Variants in AOAH observed in about 807,000 individuals in gnomAD.
AOAH encodes acyloxyacyl hydrolase (neutrophil).
AOAH carries 64 observed loss-of-function variants against 92.2 expected under a neutral mutation model. The ratio of observed to expected loss-of-function variants is 0.69; its 90% CI spans 0.57 to 0.86. The LOEUF (loss-of-function observed/expected upper bound fraction) is 0.86. Ranked by LOEUF, AOAH falls within the 40% of genes least tolerant of loss-of-function variation. The pLI, the probability that AOAH is intolerant of heterozygous loss-of-function variation, is 0.00. For synonymous variants in AOAH, 263 were observed against 254.5 expected, an observed-to-expected ratio of 1.03 and a Z score of -0.32; for missense variants, 656 against 694.6, an observed-to-expected ratio of 0.94 and a Z score of 0.62.
intron 13 of AOAH, among the ~76,000 whole-genome samples, chr7:36,556,738 A>C (rs1227892727): frequency 7.3e-6 from 1 of 136,152 alleles, no homozygotes; most frequent in Non-Finnish European, 1.6e-5. Context: ...CCATTATGTA[A>C]TGGCCTTCTT....
At chr7:36,528,242 A>T (rs1402181516) in intron 19 of AOAH, among the ~76,000 whole-genome samples, 2 of 152,234 alleles carry the variant, frequency 1.3e-5, no homozygotes, top group Non-Finnish European at 2.9e-5. Flanking sequence ...TGAACTGTTG[A>T]TGGGAATCGC....
intron 1 of AOAH, among the ~76,000 whole-genome samples, chr7:36,711,444 C>T (rs10275462): frequency 0.32 from 48,559 of 151,934 alleles, 8,913 homozygotes; most frequent in East Asian, 0.53. Context: ...CACTGTGTGA[C>T]CTTTCCCCAA....
chr7:36,642,714 G>A (rs1383775271), intron 4 of AOAH, among the ~76,000 whole-genome samples: 1 of 152,234 alleles, frequency 6.6e-6, no homozygotes, highest in Non-Finnish European at 1.5e-5. Flanking sequence ...CCAGGCGTAA[G>A]CCACATGGGA....
chr7:36,576,729 CA>C, intron 12 of AOAH, 73 bp from the exon 13 acceptor site: 1 of 712,694 alleles, frequency 1.4e-6, no homozygotes, highest in Non-Finnish European at 2.2e-6. Context: ...ACCATGTTTA[CA>C]TCACGCTTTT....
At chr7:36,543,955 T>C (rs1160606206) in intron 15 of AOAH, among the ~76,000 whole-genome samples, 2 of 134,458 alleles carry the variant, frequency 1.5e-5, no homozygotes, top group East Asian at 4.1e-4. Flanking sequence ...TTCTTTTTTT[T>C]TTTTTTTTTT....
intron 11 of AOAH, among the ~76,000 whole-genome samples, chr7:36,608,076 C>G (rs912239096): frequency 6.6e-6 from 1 of 152,364 alleles, no homozygotes; most frequent in South Asian, 2.1e-4. Flanking sequence ...CAGGCTGGCT[C>G]TCCCTTCCTG....
Position 36,698,413 on chromosome 7 carries a change from C to T in AOAH, c.128-11619G>A, listed in dbSNP as rs567409450. ...TTTCATCGATTCTCTCTATTGCATT[C>T]CTGTTTTTTATTTTACCATTTTCTG... On this transcript the variant is annotated intron_variant, in intron 1 of 20. Transcript: ENST00000617537. Among the ~76,000 whole-genome samples, 5 of 152,000 alleles carry T rather than the reference C, an allele frequency of 3.3e-5. No individual in the cohort carries two copies. The South Asian group carries it at 1.0e-3, about 32-fold the overall frequency.
At chr7:36,650,807 T>C (rs1794527941) in intron 4 of AOAH, among the ~76,000 whole-genome samples, 1 of 152,172 alleles carries the variant, frequency 6.6e-6, no homozygotes, top group South Asian at 2.1e-4. Context: ...CCAGGTACTA[T>C]GCCAGTCCAG....
chr7:36,529,901 G>A (rs150706935), intron 19 of AOAH, among the ~76,000 whole-genome samples: 18 of 152,342 alleles, frequency 1.2e-4, no homozygotes, highest in African/African-American at 4.3e-4. Context: ...CTTCCAGAAA[G>A]TTGGGACATG....
At chr7:36,675,761 A>G (rs1229254310) in intron 2 of AOAH, among the ~76,000 whole-genome samples, 3 of 152,214 alleles carry the variant, frequency 2.0e-5, no homozygotes, top group Non-Finnish European at 4.4e-5. Flanking sequence ...ACTAGCAAAT[A>G]AGATCCAGCA....
At chr7:36,661,417 G>A (rs1305663539) in intron 3 of AOAH, 1 of 152,208 alleles carries the variant, frequency 6.6e-6, no homozygotes, top group African/African-American at 2.4e-5. Flanking sequence ...AGGACGTGCA[G>A]TGAGGAAGCT....
At chr7:36,625,491 C>A (rs1792590547) in intron 6 of AOAH, among the ~76,000 whole-genome samples, 1 of 152,198 alleles carries the variant, frequency 6.6e-6, no homozygotes. Flanking sequence ...TCACAAAGTG[C>A]TTGCAGCTGT....
rs567888684 is a variant in AOAH at position 36,553,353 on chromosome 7, A to G, written c.1022-3878T>C. Among the ~76,000 whole-genome samples the G allele has an allele frequency of 7.0e-4, 107 of 152,074 alleles. No individual in the cohort carries two copies. The East Asian group carries it at 0.017, about 24-fold the overall frequency. The stretch of plus-strand genomic sequence containing the variant: ...AGGGCTGCATAGTATTCCATGGTGT[A>G]TATGTGCCACATTTTCTTAATCCAG... On this transcript the variant is annotated intron_variant, in intron 13 of 20. Transcript: ENST00000617537.
chr7:36,566,246 T>C (rs1332890335), intron 13 of AOAH, among the ~76,000 whole-genome samples: 1 of 152,130 alleles, frequency 6.6e-6, no homozygotes, highest in Admixed American at 6.5e-5. Flanking sequence ...TGTTCCATAA[T>C]AGAGATCATG....
intron 11 of AOAH, among the ~76,000 whole-genome samples, chr7:36,604,582 C>T (rs1411264654): frequency 6.6e-6 from 1 of 152,188 alleles, no homozygotes; most frequent in Admixed American, 6.5e-5. Flanking sequence ...TATTTGCCAC[C>T]ATCGTGCCAA....
At chr7:36,626,433 A>G (rs1472889178) in intron 6 of AOAH, among the ~76,000 whole-genome samples, 1 of 152,260 alleles carries the variant, frequency 6.6e-6, no homozygotes, top group East Asian at 1.9e-4. Flanking sequence ...GGCCAAAGCC[A>G]TGCATTCTAG....
At chr7:36,592,951 A>G (rs1225505323) in intron 12 of AOAH, among the ~76,000 whole-genome samples, 1 of 152,194 alleles carries the variant, frequency 6.6e-6, no homozygotes, top group Non-Finnish European at 1.5e-5. Context: ...CTATATTGGC[A>G]GATTATTTCT....
chr7:36,684,257 C>T (rs550194794), intron 2 of AOAH, among the ~76,000 whole-genome samples: 3 of 152,168 alleles, frequency 2.0e-5, no homozygotes, highest in East Asian at 3.9e-4. Context: ...GGTCAAAGCT[C>T]GATGGGATCA....
At chr7:36,722,793 G>A (rs1346801004) in intron 1 of AOAH, among the ~76,000 whole-genome samples, 1 of 151,904 alleles carries the variant, frequency 6.6e-6, no homozygotes, top group Non-Finnish European at 1.5e-5. Context: ...AATTAGCTGG[G>A]TGTGGTGGTG....
Sources: gnomAD v4.1 joint callset for allele counts (sites outside exome capture counted in the v4.1 genomes callset) on GRCh38, gnomAD v4.1.1 for gene constraint, MANE v1.5 for transcripts, NCBI Gene and HGNC (gene_info 2026-07-23, HGNC 2026-07-21) for gene names.